PTPRT: variants seen among roughly 807,000 people sequenced by gnomAD.
The protein encoded by PTPRT is receptor-type tyrosine-protein phosphatase T.
In PTPRT, 56 loss-of-function variants were observed where a neutral mutation model predicts 176.8. The observed-to-expected ratio is 0.32, with a 90% confidence interval of 0.26 to 0.40. The LOEUF is 0.40. PTPRT is among the 10% of genes least tolerant of loss of function. PTPRT has a pLI of 1.00. For synonymous variants in PTPRT, 783 were observed against 739.0 expected, an observed-to-expected ratio of 1.06 and a Z score of -0.96; for missense variants, 1,540 against 1,908.2, an observed-to-expected ratio of 0.81 and a Z score of 3.60.
intron 26 of PTPRT, among the ~76,000 whole-genome samples, chr20:42,099,546 C>CGGGG (rs59137378): frequency 5.2e-4 from 15 of 28,904 alleles, no homozygotes; most frequent in Admixed American, 9.9e-4. Context: ...ATGGCCTGGG[C>CGGGG]GGGGGGGGGG....
intron 16 of PTPRT, among the ~76,000 whole-genome samples, chr20:42,183,540 C>A (rs1044579463): frequency 2.6e-5 from 4 of 152,206 alleles, no homozygotes; most frequent in Non-Finnish European, 5.9e-5. Context: ...GCAGAATTAT[C>A]ACGCTAATCC....
intron 1 of PTPRT, among the ~76,000 whole-genome samples, chr20:43,127,216 G>T (rs1460967492): frequency 6.6e-6 from 1 of 152,096 alleles, no homozygotes; most frequent in Non-Finnish European, 1.5e-5. Flanking sequence ...AAGGTCAGGA[G>T]ATGGAGACCA....
intron 7 of PTPRT, among the ~76,000 whole-genome samples, chr20:42,674,566 A>G (rs772456278): frequency 1.3e-5 from 2 of 152,234 alleles, no homozygotes; most frequent in African/African-American, 2.4e-5. Context: ...GGAAAGAGAG[A>G]AGTCTCATCA....
intron 1 of PTPRT, among the ~76,000 whole-genome samples, chr20:42,952,011 A>G (rs1228361007): frequency 6.6e-6 from 1 of 152,096 alleles, no homozygotes; most frequent in Non-Finnish European, 1.5e-5. Flanking sequence ...TGCTTCTTGA[A>G]CCCGGGCTAT....
chr20:42,233,061 A>G (rs893136834), intron 15 of PTPRT, among the ~76,000 whole-genome samples: 3 of 151,664 alleles, frequency 2.0e-5, no homozygotes, highest in African/African-American at 4.8e-5. Flanking sequence ...CTGCTTTGCC[A>G]GTTCCTCTCC....
intron 1 of PTPRT, among the ~76,000 whole-genome samples, chr20:43,118,510 G>A (rs917056312): frequency 6.6e-6 from 1 of 152,030 alleles, no homozygotes; most frequent in Non-Finnish European, 1.5e-5. Context: ...CTCGATCTTG[G>A]CTCACTGCAA....
intron 1 of PTPRT, among the ~76,000 whole-genome samples, chr20:43,049,611 A>G (rs184407395): frequency 5.9e-5 from 9 of 152,336 alleles, no homozygotes; most frequent in African/African-American, 1.9e-4. Context: ...ATGTGACCAG[A>G]CAGACAAGTG....
At chr20:42,970,700 C>A (rs986294629) in intron 1 of PTPRT, 1 of 152,202 alleles carries the variant, frequency 6.6e-6, no homozygotes, top group African/African-American at 2.4e-5. Flanking sequence ...TGCTTTGCTT[C>A]ACATTTTAAC....
chr20:42,130,113 G>A (rs1988057232), intron 18 of PTPRT, among the ~76,000 whole-genome samples: 2 of 152,178 alleles, frequency 1.3e-5, no homozygotes, highest in Admixed American at 6.5e-5. Flanking sequence ...GAGTTCGGTC[G>A]CTCCTGTTTC....
chr20:42,758,790 G>C (rs192350370), intron 5 of PTPRT, among the ~76,000 whole-genome samples: 10 of 152,322 alleles, frequency 6.6e-5, no homozygotes, highest in Non-Finnish European at 1.3e-4. Flanking sequence ...AAGCTATGCA[G>C]ACTTGAGCAG....
intron 14 of PTPRT, among the ~76,000 whole-genome samples, chr20:42,247,991 G>T (rs1417892444): frequency 6.6e-6 from 1 of 152,202 alleles, no homozygotes; most frequent in African/African-American, 2.4e-5. Flanking sequence ...GTACATCTTG[G>T]AAATAAGGGA....
chr20:42,577,969 GTAGGCATACCCACA>G (rs2073294361), intron 7 of PTPRT, among the ~76,000 whole-genome samples: 3 of 140,280 alleles, frequency 2.1e-5, no homozygotes, highest in African/African-American at 5.6e-5. Context: ...GTGTGTGTGT[GTAGGCATACCCACA>G]TGTGTGTGAA....
At chr20:42,473,143 A>G (rs1253404522) in intron 7 of PTPRT, among the ~76,000 whole-genome samples, 1 of 152,060 alleles carries the variant, frequency 6.6e-6, no homozygotes, top group East Asian at 1.9e-4. Context: ...CCTTGACTAC[A>G]CAGTTCATCA....
chr20:42,899,477 C>T (rs966722059), intron 1 of PTPRT, among the ~76,000 whole-genome samples: 3 of 152,212 alleles, frequency 2.0e-5, no homozygotes, highest in Admixed American at 6.5e-5. Context: ...GGGCATCTTC[C>T]ACATCAAAAA....
Position 42,425,390 on chromosome 20 carries a change from A to G in PTPRT, c.1560+22830T>C, listed in dbSNP as rs112015548. On this transcript the variant is annotated intron_variant, in intron 9 of 30. Coordinates refer to ENST00000373187, the MANE Select transcript of PTPRT (RefSeq NM_007050.6). ...TATAAGTTTGAATTTTTAAGTTCCA[A>G]ATGTAAGTGAAATCATGCAATATTT... 8.6e-3 allele frequency among the ~76,000 whole-genome samples: 1,310 copies of G among 152,302 alleles called. 21 individuals carry two copies. Among genetic ancestry groups the G allele is most frequent in the African/African-American group, 0.03 (1,258 of 41,566 alleles).
At chr20:42,957,089 G>T (rs1032248401) in intron 1 of PTPRT, among the ~76,000 whole-genome samples, 1 of 152,042 alleles carries the variant, frequency 6.6e-6, no homozygotes, top group Non-Finnish European at 1.5e-5. Flanking sequence ...GACTTTTGTG[G>T]TCACTAAATT....
At chr20:43,100,039 A>G (rs960612136) in intron 1 of PTPRT, among the ~76,000 whole-genome samples, 4 of 152,184 alleles carry the variant, frequency 2.6e-5, no homozygotes, top group African/African-American at 9.7e-5. Context: ...ACATAGAGGG[A>G]GGTTTACCTG....
intron 6 of PTPRT, among the ~76,000 whole-genome samples, chr20:42,738,392 A>C (rs1224550632): frequency 6.6e-6 from 1 of 152,004 alleles, no homozygotes; most frequent in African/African-American, 2.4e-5. Flanking sequence ...GGTGCCTGTA[A>C]TCCCAGCTAC....
At chr20:42,758,173 T>C (rs2076862623) in intron 5 of PTPRT, among the ~76,000 whole-genome samples, 1 of 152,212 alleles carries the variant, frequency 6.6e-6, no homozygotes, top group African/African-American at 2.4e-5. Context: ...CCTTTAATTA[T>C]CTGGACTTAG....
Sources: gnomAD v4.1 joint callset for allele counts (sites outside exome capture counted in the v4.1 genomes callset) on GRCh38, gnomAD v4.1.1 for gene constraint, MANE v1.5 for transcripts, NCBI Gene and HGNC (gene_info 2026-07-23, HGNC 2026-07-21) for gene names.